Variants in NEB observed in about 807,000 individuals in gnomAD.
NEB encodes the protein nebulin, also known as nemaline myopathy type 2.
In NEB, 512 loss-of-function variants were observed where a neutral mutation model predicts 952.2. That is an observed-to-expected ratio of 0.54 (90% CI 0.50 to 0.58). The LOEUF is 0.58. NEB is among the 20% of genes least tolerant of loss of function. The probability of loss-of-function intolerance (pLI) is 0.00; values close to 1 mark genes in which losing one functional copy is unlikely to be tolerated. For missense variants in NEB, 8,428 were observed against 9,231.1 expected (o/e 0.91, Z 3.56); for synonymous variants, 2,900 against 3,149.8 (o/e 0.92, Z 2.66).
Position 151,694,572 on chromosome 2 carries a change from C to G in NEB, c.1732G>C (p.Asp578His). The G allele has an allele frequency of 6.2e-7, 1 of 1,609,606 alleles. No homozygotes were observed. The highest frequency in any genetic ancestry group is 8.5e-7 in the Non-Finnish European group (1 of 1,177,470). The change falls in exon 19 of 182, where the codon GAT becomes CAT. Residue 578 changes from aspartate (D) to histidine (H), a missense_variant. Around this residue, in one of 11 missense-constraint regions of NEB, gnomAD observed 2,851 missense variants for 2,791.5 expected, o/e 1.02. Coordinates refer to ENST00000397345, the MANE Select transcript of NEB (RefSeq NM_001164508.2). ...SKAKKFDIKV[D>H]AIPLLAAKAN... ...TTGGCTGCCAGCAGGGGAATGGCAT[C>G]CACTTTAATGTCAAACTTTTTGGCT...
intron 13 of NEB, among the ~76,000 whole-genome samples, chr2:151,704,715 G>A (rs866598071): frequency 1.3e-5 from 2 of 152,118 alleles, no homozygotes; most frequent in South Asian, 2.1e-4. Flanking sequence ...GCCCTGCTTC[G>A]GCTCACGCAC....
intron 24 of NEB, among the ~76,000 whole-genome samples, chr2:151,689,037 C>G (rs2099524908): frequency 6.6e-6 from 1 of 152,030 alleles, no homozygotes; most frequent in Admixed American, 6.6e-5. Context: ...CTTTGGGCTG[C>G]CAGCTGCCAT....
Position 151,639,911 on chromosome 2 carries a change from C to A in NEB, c.8835G>T (p.Val2945=). 6.2e-7 allele frequency: 1 copy of A among 1,613,944 alleles called. No homozygotes were observed. The highest frequency in any genetic ancestry group is 8.5e-7 in the Non-Finnish European group (1 of 1,179,860). ...QPPDRFKFTS[V]TDSLEQVLAK... ...CCAACACTTGTTCCAGAGAGTCAGT[C>A]ACACTGGTAAATTTGAATCTGTCTG... Residue 2945 remains valine (V), a synonymous_variant, in exon 62 of 182, where the codon GTG becomes GTT. Transcript: ENST00000397345.
chr2:151,693,930 CT>C (rs2099576788), intron 20 of NEB, among the ~76,000 whole-genome samples: 1 of 151,930 alleles, frequency 6.6e-6, no homozygotes, highest in Non-Finnish European at 1.5e-5. Flanking sequence ...TTCTTTACTT[CT>C]TTTCATTTTC....
At chr2:151,711,581 G>GT (rs895147569) in intron 10 of NEB, among the ~76,000 whole-genome samples, 2 of 152,060 alleles carry the variant, frequency 1.3e-5, no homozygotes, top group African/African-American at 4.8e-5. Context: ...TAGCCAACTG[G>GT]TTTTCGTAGC....
At position 151,650,945 on chromosome 2, in the gene NEB, CT is replaced by C. The variant is rs763938875; in HGVS notation, c.6916-61del. 1,790 of 1,424,736 alleles carry C rather than the reference CT, an allele frequency of 1.3e-3. 3 individuals carry two copies. The highest frequency in any genetic ancestry group is 1.3e-3 in the Non-Finnish European group (1,366 of 1,056,944). 88.3% of individuals were successfully genotyped at this position (1,424,736 alleles called of 1,614,324 possible). ...CAAAGGCCAAGTTAAGCTCAACTTG[CT>C]TTTTTTTCTTTTCTTTCTTTCTTTT... On this transcript the variant is annotated intron_variant, in intron 52 of 181. Transcript: ENST00000397345.
At chr2:151,685,914 A>G (rs2099494345) in intron 27 of NEB, among the ~76,000 whole-genome samples, 1 of 152,160 alleles carries the variant, frequency 6.6e-6, no homozygotes, top group South Asian at 2.1e-4. Context: ...TTTGCAAATG[A>G]TCTGATCTTT....
intron 80 of NEB, 94 bp downstream of exon 80, chr2:151,610,422 T>A: frequency 1.1e-6 from 1 of 904,518 alleles, no homozygotes; most frequent in South Asian, 1.6e-5. Context: ...GGAAGGTACA[T>A]GTGGAAATCA....
At chr2:151,692,467 A>G (rs1234486402) in intron 20 of NEB, 105 bp from the exon 21 acceptor site, 1 of 870,308 alleles carries the variant, frequency 1.1e-6, no homozygotes, top group Non-Finnish European at 1.9e-6. Context: ...GGCAAAATTT[A>G]TGTTTTCTCA....
intron 75 of NEB, 42 bp from the exon 76 acceptor site, chr2:151,616,151 A>C (rs1475858664): frequency 7.6e-7 from 1 of 1,322,512 alleles, no homozygotes; most frequent in African/African-American, 1.5e-5. Flanking sequence ...CCTTCCATAA[A>C]AAGTGAAGCT....
rs780645033 is a variant in NEB, at chr2:151,570,285, CT to C, written c.17225del (p.Gln5742ArgfsTer57). 1 of 1,613,486 alleles carries C rather than the reference CT, an allele frequency of 6.2e-7. No individual in the cohort carries two copies. Among genetic ancestry groups the C allele is most frequent in the South Asian group, 1.1e-5 (1 of 91,054 alleles). On this transcript the variant is annotated frameshift_variant, in exon 109 of 182. Coordinates refer to ENST00000397345, the MANE Select transcript of NEB (RefSeq NM_001164508.2). LOFTEE classifies it high-confidence loss of function. ...AGTCCAGCCGGTACTCTCGTTCATT[CT>C]GGAGCTTGTCAGCTATGAGGGCCCA... ...IRWALIADKL[Q>X]NEREYRLDWA...
At chr2:151,659,245 T>C (rs1348223373) in intron 46 of NEB, 76 bp from the exon 47 acceptor site, 2 of 733,900 alleles carry the variant, frequency 2.7e-6, no homozygotes, top group Non-Finnish European at 4.6e-6. Flanking sequence ...TCATTGTACA[T>C]ATATATCAAT....
chr2:151,497,710 G>A lies in NEB; in HGVS notation c.24216C>T (p.Tyr8072=), dbSNP rs376221776. 1.9e-6 allele frequency: 3 copies of A among 1,576,478 alleles called. No individual in the cohort carries two copies. Among genetic ancestry groups the A allele is most frequent in the Non-Finnish European group, 2.6e-6 (3 of 1,158,832 alleles). Residue 8072 remains tyrosine (Y), a synonymous_variant, in exon 171 of 182, where the codon TAC becomes TAT. Transcript: ENST00000397345. ...GGGTTCCCTTGCCCATGTTTTCTTT[G>A]TATAACACCTGTGCGATAAGAAAGC... ...HNQENLSSVL[Y]KENMGKGTPL... is the part of the protein sequence containing the mutation.
intron 3 of NEB, among the ~76,000 whole-genome samples, chr2:151,732,193 C>T (rs1454413013): frequency 6.6e-6 from 1 of 152,064 alleles, no homozygotes; most frequent in Non-Finnish European, 1.5e-5. Flanking sequence ...TGGAGATTTT[C>T]ATGTGTTTAG....
rs71403173 is a variant in NEB, at chr2:151,512,019, CTTTTTTTTTT to C, written c.23346+704_23346+713del. ...CTGCATCATAGGTTACCCTCTCACT[CTTTTTTTTTT>C]TTTTTTTTTTTTTTTTTTTGAGACA... On this transcript the variant is annotated intron_variant, in intron 161 of 181. Coordinates refer to ENST00000397345, the MANE Select transcript of NEB (RefSeq NM_001164508.2). Among the ~76,000 whole-genome samples the C allele has an allele frequency of 2.1e-3, 195 of 93,582 alleles. 1 individual carries two copies. Among genetic ancestry groups the C allele is most frequent in the East Asian group, 8.0e-3 (25 of 3,144 alleles). The allele number at this position is 93,582 out of a possible 152,430, so 61.4% of individuals were successfully genotyped here. A position where few individuals can be genotyped will look rare whatever the true frequency, so the allele number is the denominator to read the frequency against.
chr2:151,643,360 G>T lies in NEB; in HGVS notation c.7957-7C>A, dbSNP rs752536311. 2.3e-5 allele frequency: 37 copies of T among 1,592,036 alleles called. No individual in the cohort carries two copies. Among genetic ancestry groups the T allele is most frequent in the Non-Finnish European group, 3.2e-5 (37 of 1,166,436 alleles). ...GGTCTGACTTGTACAAATTCTGAAA[G>T]TGCAAGTGACAAATTTGTCATAATT... is the stretch of plus-strand genomic sequence containing the variant. On this transcript the variant is annotated splice_region_variant and splice_polypyrimidine_tract_variant and intron_variant, in intron 57 of 181. Coordinates refer to ENST00000397345, the MANE Select transcript of NEB (RefSeq NM_001164508.2).
chr2:151,489,586 G>T (rs1265366838), intron 181 of NEB, among the ~76,000 whole-genome samples: 1 of 152,048 alleles, frequency 6.6e-6, no homozygotes, highest in Non-Finnish European at 1.5e-5. Flanking sequence ...TAGTAGAGAT[G>T]AAGTCTCACT....
chr2:151,673,766 C>T (rs2099329072), intron 36 of NEB, among the ~76,000 whole-genome samples: 1 of 136,456 alleles, frequency 7.3e-6, no homozygotes, highest in African/African-American at 2.7e-5. Context: ...TGGAGTCTCC[C>T]TCTGTCGCCC....
At position 151,498,292 on chromosome 2, in the gene NEB, T is replaced by C. The variant is rs1334326344; in HGVS notation, c.24175A>G (p.Arg8059Gly). 3.2e-6 allele frequency: 5 copies of C among 1,551,458 alleles called. No individual in the cohort carries two copies. The highest frequency in any genetic ancestry group is 2.4e-5 in the South Asian group (2 of 84,064). The change falls in exon 170 of 182, where the codon AGA becomes GGA. Residue 8059 changes from arginine to glycine, a missense_variant. Around this residue, in one of 11 missense-constraint regions of NEB, gnomAD observed 3,374 missense variants for 3,651.5 expected, o/e 0.92. Coordinates refer to ENST00000397345, the MANE Select transcript of NEB (RefSeq NM_001164508.2). ...IPIPITPEMQRVKHNQENLSS... is the reference protein window; with the variant it reads ...IPIPITPEMQGVKHNQENLSS... ...AGGTTTTCTTGATTGTGTTTGACTC[T>C]CTGCATCTCAGGAGTGATGGGGATT...
Sources: allele counts gnomAD v4.1 joint callset (sites outside exome capture counted in the v4.1 genomes callset), GRCh38; gene constraint gnomAD v4.1.1; regional missense constraint gnomAD v4.1.1; transcripts MANE v1.5; gene names NCBI Gene and HGNC (gene_info 2026-07-23, HGNC 2026-07-21).